Variants in TRDN observed in about 807,000 individuals in gnomAD.
TRDN encodes the protein triadin, also known as triadin in skeletal muscle.
Under a neutral mutation model 149.7 loss-of-function variants are expected in TRDN, and 161 were observed. The ratio of observed to expected loss-of-function variants is 1.08; its 90% CI spans 0.95 to 1.23. The LOEUF is 1.23. Ranked by LOEUF, TRDN falls within the 50% of genes most tolerant of loss-of-function variation. TRDN has a pLI of 0.00. For synonymous variants in TRDN, 294 were observed against 250.5 expected (o/e 1.17, Z -1.64); for missense variants, 896 against 823.5 (o/e 1.09, Z -1.08).
chr6:123,302,102 T>C (rs1435957763), intron 24 of TRDN, among the ~76,000 whole-genome samples: 3 of 151,366 alleles, frequency 2.0e-5, no homozygotes, highest in Non-Finnish European at 4.4e-5. Context: ...TATGTTTCTC[T>C]TGCAGGATCA....
At chr6:123,350,782 T>C in intron 21 of TRDN, 1 of 974,428 alleles carries the variant, frequency 1.0e-6, no homozygotes. Flanking sequence ...ACCAAGTCAA[T>C]ATAAAAATAG....
intron 2 of TRDN, among the ~76,000 whole-genome samples, chr6:123,559,982 C>G (rs912375146): frequency 6.6e-6 from 1 of 152,208 alleles, no homozygotes; most frequent in Non-Finnish European, 1.5e-5. Flanking sequence ...CTGGGCTGTA[C>G]TGCCACAAGG....
intron 12 of TRDN, among the ~76,000 whole-genome samples, chr6:123,433,692 T>C (rs982900104): frequency 1.3e-5 from 2 of 152,144 alleles, no homozygotes; most frequent in African/African-American, 4.8e-5. Context: ...TTTATACCAT[T>C]ATCAATAGTT....
At position 123,301,752 on chromosome 6, in the gene TRDN, C is replaced by T. The variant is rs9490723; in HGVS notation, c.1510+14705G>A. 6.0e-4 allele frequency among the ~76,000 whole-genome samples: 46 copies of T among 77,086 alleles called. 1 individual carries two copies. The East Asian group carries it at 0.021, about 35-fold the overall frequency. The allele number at this position is 77,086 out of a possible 152,430, so 50.6% of individuals were successfully genotyped here. On this transcript the variant is annotated intron_variant, in intron 24 of 40. Transcript: ENST00000334268. ...ATGTATGTATGTATGTATATATATA[C>T]ATATATATATATATATACATATATA...
intron 24 of TRDN, among the ~76,000 whole-genome samples, chr6:123,283,707 G>T (rs1777686182): frequency 6.6e-6 from 1 of 150,596 alleles, no homozygotes; most frequent in Non-Finnish European, 1.5e-5. Context: ...TAGATGAGAT[G>T]GATAAATTCC....
At chr6:123,436,375 G>C (rs1434604275) in intron 12 of TRDN, among the ~76,000 whole-genome samples, 6 of 152,096 alleles carry the variant, frequency 3.9e-5, no homozygotes, top group African/African-American at 1.4e-4. Context: ...TGGAAATTTG[G>C]ATGCAAAGGA....
intron 5 of TRDN, among the ~76,000 whole-genome samples, chr6:123,523,692 A>C (rs1779799778): frequency 6.6e-6 from 1 of 152,128 alleles, no homozygotes; most frequent in Admixed American, 6.6e-5. Context: ...AGTAGGGTTG[A>C]GCTCTACTGC....
At chr6:123,420,548 ATATT>A (rs1254138675) in intron 12 of TRDN, among the ~76,000 whole-genome samples, 1 of 152,240 alleles carries the variant, frequency 6.6e-6, no homozygotes, top group Non-Finnish European at 1.5e-5. Flanking sequence ...TGGGAATACA[ATATT>A]TAGTTTTTCT....
At chr6:123,596,935 C>T (rs1583303271) in intron 1 of TRDN, among the ~76,000 whole-genome samples, 1 of 152,114 alleles carries the variant, frequency 6.6e-6, no homozygotes, top group South Asian at 2.1e-4. Flanking sequence ...GTTTTTGATG[C>T]CCCCTAACAC....
intron 38 of TRDN, among the ~76,000 whole-genome samples, chr6:123,229,352 T>C (rs892630186): frequency 3.3e-5 from 5 of 152,004 alleles, no homozygotes; most frequent in African/African-American, 9.7e-5. Context: ...TCCTGGATTT[T>C]GTTTGGTCAA....
chr6:123,463,796 G>T (rs1204865959), intron 10 of TRDN, among the ~76,000 whole-genome samples: 48 of 147,478 alleles, frequency 3.3e-4, no homozygotes, highest in African/African-American at 7.5e-5. Flanking sequence ...TTTTTGGACT[G>T]GTTGTTTGTA....
At chr6:123,219,743 T>C (rs1017908450) in intron 40 of TRDN, among the ~76,000 whole-genome samples, 9 of 151,844 alleles carry the variant, frequency 5.9e-5, no homozygotes, top group African/African-American at 2.2e-4. Flanking sequence ...ATTTCTCTTT[T>C]CTTCTATCTT....
intron 13 of TRDN, among the ~76,000 whole-genome samples, chr6:123,392,833 C>T (rs1772547209): frequency 6.6e-6 from 1 of 152,008 alleles, no homozygotes; most frequent in Admixed American, 6.6e-5. Flanking sequence ...TTCGGTCATA[C>T]ATCATGTGAT....
At chr6:123,501,012 T>A (rs1349919873) in intron 8 of TRDN, among the ~76,000 whole-genome samples, 1 of 152,038 alleles carries the variant, frequency 6.6e-6, no homozygotes, top group Non-Finnish European at 1.5e-5. Flanking sequence ...CTCTTCCTAC[T>A]CTACAAACAG....
At chr6:123,283,044 C>T (rs760826353) in intron 24 of TRDN, among the ~76,000 whole-genome samples, 118 of 151,668 alleles carry the variant, frequency 7.8e-4, no homozygotes, top group Middle Eastern at 6.8e-3. Flanking sequence ...TGGAAATCAT[C>T]GGAATAGCTT....
At chr6:123,415,115 T>C (rs957376401) in intron 12 of TRDN, among the ~76,000 whole-genome samples, 9 of 152,182 alleles carry the variant, frequency 5.9e-5, no homozygotes, top group African/African-American at 2.2e-4. Flanking sequence ...TTCTTGGTAA[T>C]ATAAATGTAT....
intron 32 of TRDN, among the ~76,000 whole-genome samples, chr6:123,266,961 G>T (rs867690034): frequency 1.0e-4 from 15 of 148,446 alleles, no homozygotes; most frequent in Admixed American, 6.9e-5. Flanking sequence ...CAAAAAATTA[G>T]CTGGGCATGG....
intron 23 of TRDN, among the ~76,000 whole-genome samples, chr6:123,323,247 T>A (rs149354615): frequency 3.5e-4 from 54 of 152,152 alleles, no homozygotes; most frequent in African/African-American, 1.3e-3. Flanking sequence ...TGCATTATCT[T>A]CAGATATTTA....
rs192791453 is a variant in TRDN at position 123,331,452 on chromosome 6, T to C, written c.1471+427A>G. ...TGGACTACAGTTTCTAAGTTCCTCCTAGCTATACAATATGTTTAGGATTCT... is the reference window on the plus strand; with the variant it reads ...TGGACTACAGTTTCTAAGTTCCTCCCAGCTATACAATATGTTTAGGATTCT... On this transcript the variant is annotated intron_variant, in intron 23 of 40. Transcript: ENST00000334268. Among the ~76,000 whole-genome samples, 381 of 152,216 alleles carry C rather than the reference T, an allele frequency of 2.5e-3. 10 individuals carry two copies. Among genetic ancestry groups the C allele is most frequent in the Admixed American group, 0.022 (334 of 15,270 alleles).
Sources: allele counts gnomAD v4.1 joint callset (sites outside exome capture counted in the v4.1 genomes callset), GRCh38; gene constraint gnomAD v4.1.1; transcripts MANE v1.5; gene names NCBI Gene and HGNC (gene_info 2026-07-23, HGNC 2026-07-21).